The following ABCC9 variants were observed in gnomAD, a reference collection of about 807,000 sequenced individuals.
ABCC9 encodes the protein ATP-binding cassette sub-family C member 9.
A neutral mutation model predicts 188.3 loss-of-function variants in ABCC9; 95 were observed. The ratio of observed to expected loss-of-function variants is 0.50; its 90% CI spans 0.43 to 0.60. The LOEUF is 0.60. Among genes scored for constraint, ABCC9 ranks in the 20% least tolerant of loss-of-function variants. The pLI is 0.00. For synonymous variants in ABCC9, 659 were observed against 652.7 expected, an observed-to-expected ratio of 1.01 and a Z score of -0.15; for missense variants, 1,102 against 1,876.3, an observed-to-expected ratio of 0.59 and a Z score of 7.62.
At position 21,814,739 on chromosome 12, in the gene ABCC9, C is replaced by T. The variant is rs796151820; in HGVS notation, c.4024-17G>A. Reference sequence around the variant, plus strand: ...TATGCCCACCTAGGAAAACAGCTGTCACTCAAAGAGAAGAGGACTCAGAAA... The same window carrying T: ...TATGCCCACCTAGGAAAACAGCTGTTACTCAAAGAGAAGAGGACTCAGAAA... On this transcript the variant is annotated splice_polypyrimidine_tract_variant and intron_variant, in intron 34 of 39. Transcript: ENST00000261200. 5 of 1,610,978 alleles carry T rather than the reference C, an allele frequency of 3.1e-6. No individual in the cohort carries two copies. The highest frequency in any genetic ancestry group is 2.5e-6 in the Non-Finnish European group (3 of 1,177,374).
chr12:21,932,928 C>A (rs1949344137), intron 4 of ABCC9, among the ~76,000 whole-genome samples: 1 of 150,864 alleles, frequency 6.6e-6, no homozygotes, highest in African/African-American at 2.4e-5. Context: ...CACAAGCATG[C>A]ATGCATATGT....
intron 37 of ABCC9, among the ~76,000 whole-genome samples, chr12:21,807,814 T>C (rs1485326465): frequency 6.6e-6 from 1 of 152,208 alleles, no homozygotes; most frequent in African/African-American, 2.4e-5. Flanking sequence ...CCCAGAGAGC[T>C]GAAATGGCTT....
chr12:21,888,651 C>T (rs1337360451), intron 14 of ABCC9, among the ~76,000 whole-genome samples: 1 of 152,122 alleles, frequency 6.6e-6, no homozygotes, highest in Non-Finnish European at 1.5e-5. Context: ...AGGCCCTGCT[C>T]TAGAAGACTG....
intron 31 of ABCC9, among the ~76,000 whole-genome samples, chr12:21,820,081 A>T (rs4148678): frequency 0.25 from 38,410 of 151,996 alleles, 5,708 homozygotes; most frequent in East Asian, 0.45. Context: ...AGCAATATGA[A>T]TTTTTTCCTT....
At chr12:21,865,962 A>G (rs984306203) in intron 18 of ABCC9, among the ~76,000 whole-genome samples, 2 of 132,698 alleles carry the variant, frequency 1.5e-5, no homozygotes, top group Admixed American at 1.6e-4. Context: ...ACAACCAAAA[A>G]CAAAGAAGCA....
At chr12:21,911,638 C>T (rs949287235) in intron 8 of ABCC9, among the ~76,000 whole-genome samples, 9 of 151,942 alleles carry the variant, frequency 5.9e-5, no homozygotes, top group African/African-American at 2.2e-4. Flanking sequence ...TAACATTTGA[C>T]TAAGTACATT....
At chr12:21,862,445 T>C (rs376642859) in intron 20 of ABCC9, among the ~76,000 whole-genome samples, 23 of 152,124 alleles carry the variant, frequency 1.5e-4, no homozygotes, top group East Asian at 5.8e-4. Context: ...ACCCAGCTTA[T>C]GGTCCTAAGA....
Position 21,917,026 on chromosome 12 carries a change from T to C in ABCC9, c.484A>G (p.Ile162Val). 2 of 1,613,912 alleles carry C rather than the reference T, an allele frequency of 1.2e-6. No individual in the cohort carries two copies. The part of the protein sequence containing the change: ...LVKYCQSGLD[I>V]SNLRFCITGM... ...GTGATGCAGAAACGCAGGTTTGATA[T>C]GTCCAAGCCAGACTGACAGTACTTA... is the stretch of plus-strand genomic sequence containing the variant. The change falls in exon 6 of 40, where the codon ATA becomes GTA. Residue 162 changes from isoleucine to valine, a missense_variant. By Grantham distance (29) the Ile-to-Val change is conservative. This residue lies in a region of ABCC9 where 305 missense variants were observed against 573.0 expected (regional missense o/e 0.53). Coordinates refer to ENST00000261200, the MANE Select transcript of ABCC9 (RefSeq NM_020297.4).
At position 21,864,484 on chromosome 12, in the gene ABCC9, G is replaced by C; in HGVS notation, c.2199-7C>G. 1.3e-6 allele frequency: 2 copies of C among 1,580,126 alleles called. No homozygotes were observed. On this transcript the variant is annotated splice_region_variant and splice_polypyrimidine_tract_variant and intron_variant, in intron 18 of 39. Transcript: ENST00000261200. ...AGGCTCAGATTCATTTACACTGCAAGTATGGCAAACAATGTTCATTAATTA... is the reference window on the plus strand; with the variant it reads ...AGGCTCAGATTCATTTACACTGCAACTATGGCAAACAATGTTCATTAATTA...
chr12:21,926,007 G>T lies in ABCC9; in HGVS notation c.341C>A (p.Ala114Asp). The T allele has an allele frequency of 1.9e-6, 3 of 1,614,060 alleles. No homozygotes were observed. The highest frequency in any genetic ancestry group is 2.5e-6 in the Non-Finnish European group (3 of 1,179,962). ...LFMPAVMGFV[A>D]TTTSIVYYHN... ...ATAATACACTATCGATGTTGTAGTGGCAACGAATCCCATCACGGCTGGCAT... is the reference window on the plus strand; with the variant it reads ...ATAATACACTATCGATGTTGTAGTGTCAACGAATCCCATCACGGCTGGCAT... The change falls in exon 5 of 40, where the codon GCC becomes GAC. Residue 114 changes from alanine to aspartate, a missense_variant. Around this residue, in one of 12 missense-constraint regions of ABCC9, gnomAD observed 305 missense variants for 573.0 expected, o/e 0.53. Coordinates refer to ENST00000261200, the MANE Select transcript of ABCC9 (RefSeq NM_020297.4).
intron 17 of ABCC9, 97 bp downstream of exon 17, chr12:21,875,557 G>A (rs1946299013): frequency 1.1e-6 from 1 of 887,772 alleles, no homozygotes; most frequent in Admixed American, 2.0e-5. Flanking sequence ...TAATATTTAT[G>A]TCTTTAAAAA....
intron 14 of ABCC9, among the ~76,000 whole-genome samples, chr12:21,889,740 TC>T (rs1418044890): frequency 6.6e-6 from 1 of 152,170 alleles, no homozygotes; most frequent in Non-Finnish European, 1.5e-5. Flanking sequence ...GCCCCACTCT[TC>T]CTGAGCATTG....
At chr12:21,808,066 T>A (rs557528419) in intron 37 of ABCC9, among the ~76,000 whole-genome samples, 7 of 152,062 alleles carry the variant, frequency 4.6e-5, no homozygotes, top group African/African-American at 1.7e-4. Context: ...TTGGTTTCCA[T>A]CTACATTTCA....
intron 14 of ABCC9, among the ~76,000 whole-genome samples, chr12:21,888,584 C>T (rs760353176): frequency 3.9e-5 from 6 of 152,054 alleles, no homozygotes; most frequent in Non-Finnish European, 7.4e-5. Flanking sequence ...CCTCCAAATA[C>T]GAATCACATT....
intron 12 of ABCC9, among the ~76,000 whole-genome samples, chr12:21,901,900 C>G (rs1376149294): frequency 6.6e-6 from 1 of 152,154 alleles, no homozygotes; most frequent in Non-Finnish European, 1.5e-5. Flanking sequence ...ATCAACAAGA[C>G]AGAAAGTTAA....
At chr12:21,876,677 G>A (rs1375242200) in intron 16 of ABCC9, among the ~76,000 whole-genome samples, 1 of 152,144 alleles carries the variant, frequency 6.6e-6, no homozygotes, top group Non-Finnish European at 1.5e-5. Flanking sequence ...CAGAACCCAG[G>A]AATTAGAAGG....
chr12:21,842,277 A>G, intron 29 of ABCC9, 37 bp downstream of exon 29: 1 of 1,604,154 alleles, frequency 6.2e-7, no homozygotes, highest in Non-Finnish European at 8.5e-7. Flanking sequence ...GACTGTAGAT[A>G]AGCTTTTGAA....
intron 5 of ABCC9, chr12:21,925,277 C>A (rs1949002231): frequency 1.0e-5 from 5 of 487,196 alleles, no homozygotes; most frequent in Non-Finnish European, 1.8e-5. Flanking sequence ...ATAATTTTGA[C>A]CCAAGGCAAA....
intron 13 of ABCC9, 56 bp downstream of exon 13, chr12:21,895,219 A>T: frequency 6.7e-7 from 1 of 1,488,196 alleles, no homozygotes; most frequent in African/African-American, 1.4e-5. Flanking sequence ...TTGCTCATAA[A>T]TCATTTATAA....
Sources: allele counts gnomAD v4.1 joint callset (sites outside exome capture counted in the v4.1 genomes callset), GRCh38; gene constraint gnomAD v4.1.1; regional missense constraint gnomAD v4.1.1; transcripts MANE v1.5; gene names NCBI Gene and HGNC (gene_info 2026-07-23, HGNC 2026-07-21).